PRKAG1: variants seen among roughly 807,000 people sequenced by gnomAD.
PRKAG1 encodes the protein protein kinase AMP-activated non-catalytic subunit gamma 1, also known as 5'-AMP-activated protein kinase subunit gamma-1.
In PRKAG1, 27 loss-of-function variants were observed where a neutral mutation model predicts 48.2. That is an observed-to-expected ratio of 0.56 (90% CI 0.41 to 0.77). The LOEUF is 0.77. PRKAG1 is among the 30% of genes least tolerant of loss of function. The probability of loss-of-function intolerance (pLI) is 0.00; values close to 1 mark genes in which losing one functional copy is unlikely to be tolerated. For missense variants in PRKAG1, 287 were observed against 398.3 expected (o/e 0.72, Z 2.38); for synonymous variants, 130 against 147.7 (o/e 0.88, Z 0.87).
chr12:49,014,612 A>C (rs1272895392), intron 1 of PRKAG1, among the ~76,000 whole-genome samples: 1 of 152,260 alleles, frequency 6.6e-6, no homozygotes, highest in African/African-American at 2.4e-5. Context: ...ACTGTCAGCC[A>C]GTCAAAACCT....
rs1942112878 is a variant in PRKAG1 at position 49,018,675 on chromosome 12, G to A, written c.9+57C>T. On this transcript the variant is annotated intron_variant, in intron 1 of 11. Transcript: ENST00000548065. The stretch of plus-strand genomic sequence containing the variant: ...GCCCGGCCCTCCCGGTCTCCTAAGG[G>A]TTGGGGGGGTGTCTTAGGCTCCACA... 1.9e-6 allele frequency: 3 copies of A among 1,613,336 alleles called. No individual in the cohort carries two copies. In the African/African-American group the frequency reaches 4.0e-5, roughly 22 times the overall value.
chr12:49,004,771 AAGAG>A lies in PRKAG1; in HGVS notation c.411-142_411-139del, dbSNP rs145803889. Reference sequence around the variant, plus strand: ...AGTGTACAGGCCAGACTTAAAGAGAAAGAGAGAGAGAGAGAGAGTGAGAATGAGA... The same window carrying A: ...AGTGTACAGGCCAGACTTAAAGAGAAAGAGAGAGAGAGAGTGAGAATGAGA... On this transcript the variant is annotated intron_variant, in intron 7 of 11. Coordinates refer to ENST00000548065, the MANE Select transcript of PRKAG1 (RefSeq NM_002733.5). The A allele has an allele frequency of 4.1e-4, 487 of 1,191,926 alleles. 1 individual carries two copies. Among genetic ancestry groups the A allele is most frequent in the African/African-American group, 2.5e-3 (146 of 57,432 alleles). The allele number at this position is 1,191,926 out of a possible 1,614,324, so 73.8% of individuals were successfully genotyped here.
intron 2 of PRKAG1, among the ~76,000 whole-genome samples, chr12:49,010,574 G>A (rs1367267287): frequency 6.6e-6 from 1 of 152,168 alleles, no homozygotes; most frequent in Non-Finnish European, 1.5e-5. Flanking sequence ...GGGAGGCAGA[G>A]TTGCCCACTG....
Position 49,002,748 on chromosome 12 carries a change from A to G in PRKAG1, c.*151T>C. ...ATAAATCCATTCTCTTTCCTCCCCC[A>G]TACCTTCCCTAGCTCCCAGATAGAA... On this transcript the variant is annotated 3_prime_UTR_variant, in exon 12 of 12. Transcript: ENST00000548065. 7 of 782,526 alleles carry G rather than the reference A, an allele frequency of 8.9e-6. No homozygotes were observed. Among genetic ancestry groups the G allele is most frequent in the Admixed American group, 2.0e-5 (1 of 50,078 alleles). The allele number at this position is 782,526 out of a possible 1,614,324, so 48.5% of individuals were successfully genotyped here. A position where few individuals can be genotyped will look rare whatever the true frequency, so the allele number is the denominator to read the frequency against.
intron 2 of PRKAG1, among the ~76,000 whole-genome samples, chr12:49,011,129 C>T (rs1941741263): frequency 6.6e-6 from 1 of 152,158 alleles, no homozygotes; most frequent in Admixed American, 6.5e-5. Context: ...AAGCATGAGC[C>T]ACTACGCGCA....
intron 8 of PRKAG1, 197 bp from the exon 9 acceptor site, chr12:49,004,119 ATC>A: frequency 1.5e-6 from 1 of 658,204 alleles, no homozygotes; most frequent in Non-Finnish European, 2.4e-6. Context: ...GCAAAACCCT[ATC>A]TCTATAAAAA....
At chr12:49,018,703 G>C in intron 1 of PRKAG1, 29 bp downstream of exon 1, 1 of 1,613,372 alleles carries the variant, frequency 6.2e-7, no homozygotes, top group Non-Finnish European at 8.5e-7. Flanking sequence ...GCTCCACAGC[G>C]CCCCCGACCG....
At chr12:49,016,946 G>A in intron 1 of PRKAG1, 1 of 340,082 alleles carries the variant, frequency 2.9e-6, no homozygotes, top group South Asian at 2.2e-5. Context: ...TCCAAAGCCA[G>A]CAACATCATG....
rs200631553 is a variant in PRKAG1 at position 49,003,159 on chromosome 12, C to G, written c.873G>C (p.Arg291Ser). Reference sequence around the variant, plus strand: ...GCCTCCCTACCTCTGCTTCCACTAGCCTGTTGATGATGGTCTCCAGAGTCT... The same window carrying G: ...GCCTCCCTACCTCTGCTTCCACTAGGCTGTTGATGATGGTCTCCAGAGTCT... ...LHETLETIIN[R>S]LVEAEVHRLV... The change falls in exon 11 of 12, where the codon AGG becomes AGC. Residue 291 changes from arginine (R) to serine (S), a missense_variant. Transcript: ENST00000548065. The G allele has an allele frequency of 1.2e-6, 2 of 1,614,074 alleles. No individual in the cohort carries two copies. Among genetic ancestry groups the G allele is most frequent in the Non-Finnish European group, 1.7e-6 (2 of 1,180,036 alleles).
At chr12:49,004,864 T>TGTGTA (rs1555181395) in intron 7 of PRKAG1, 100 bp downstream of exon 7, 1 of 1,233,488 alleles carries the variant, frequency 8.1e-7, no homozygotes, top group Non-Finnish European at 1.2e-6. Context: ...TGTGTGTGTC[T>TGTGTA]TTTCTCTCTT....
At chr12:49,007,685 TG>T (rs989206294) in intron 2 of PRKAG1, among the ~76,000 whole-genome samples, 2 of 152,096 alleles carry the variant, frequency 1.3e-5, no homozygotes, top group African/African-American at 4.8e-5. Context: ...ATGCTTGTAT[TG>T]CTAGTTTCCA....
chr12:49,003,263 TG>T lies in PRKAG1; in HGVS notation c.768del (p.Asn256LysfsTer3), dbSNP rs781036425. ...GCTTTAGTCACAGATACATCTAGGT[TG>T]TTGTAGGTCTTTTCTGCTGCCAGAT... ...VINLAAEKTY[N>X]NLDVSVTKAL... On this transcript the variant is annotated frameshift_variant, in exon 11 of 12. Transcript: ENST00000548065. LOFTEE classifies it high-confidence loss of function. 6.2e-7 allele frequency: 1 copy of T among 1,614,136 alleles called. No homozygotes were observed. Among genetic ancestry groups the T allele is most frequent in the Non-Finnish European group, 8.5e-7 (1 of 1,180,034 alleles).
chr12:49,018,436 A>G (rs1024056507), intron 1 of PRKAG1: 27 of 1,319,918 alleles, frequency 2.0e-5, no homozygotes, highest in Non-Finnish European at 4.8e-6. Context: ...TGCCAATAGG[A>G]AAGGAGGCCC....
chr12:49,008,260 T>C (rs573709780), intron 2 of PRKAG1, among the ~76,000 whole-genome samples: 4 of 152,114 alleles, frequency 2.6e-5, no homozygotes, highest in Middle Eastern at 3.4e-3. Flanking sequence ...TTACCTGGAG[T>C]TAATGTCTTG....
intron 8 of PRKAG1, 160 bp from the exon 9 acceptor site, chr12:49,004,082 G>C: frequency 1.0e-6 from 1 of 984,290 alleles, no homozygotes; most frequent in South Asian, 1.9e-5. Context: ...TTGAGCCCAG[G>C]AGTTCGAGAC....
chr12:49,006,643 A>C (rs1033965408), intron 2 of PRKAG1, among the ~76,000 whole-genome samples: 80 of 152,346 alleles, frequency 5.3e-4, no homozygotes, highest in African/African-American at 1.9e-3. Flanking sequence ...AATAGCTTGA[A>C]TGTGCTACAT....
intron 2 of PRKAG1, chr12:49,012,511 A>C (rs1174064384): frequency 6.6e-6 from 1 of 152,236 alleles, no homozygotes. Context: ...AGTAGCTGGG[A>C]TTACAGGCAT....
chr12:49,014,630 TGA>T (rs1381713321), intron 1 of PRKAG1, among the ~76,000 whole-genome samples: 5 of 152,208 alleles, frequency 3.3e-5, no homozygotes, highest in Non-Finnish European at 7.3e-5. Context: ...CCTGAATGAC[TGA>T]GAGGTGGATA....
intron 8 of PRKAG1, 124 bp downstream of exon 8, chr12:49,004,383 C>A (rs1444476214): frequency 6.9e-6 from 9 of 1,295,068 alleles, no homozygotes; most frequent in Non-Finnish European, 9.7e-6. Context: ...GCGGGAGGAT[C>A]ACTTGAGCTC....
Sources: allele counts gnomAD v4.1 joint callset (sites outside exome capture counted in the v4.1 genomes callset), GRCh38; gene constraint gnomAD v4.1.1; transcripts MANE v1.5; gene names NCBI Gene and HGNC (gene_info 2026-07-23, HGNC 2026-07-21).